Variants in PRH1 observed in about 807,000 individuals in gnomAD.
PRH1 encodes the protein salivary acidic proline-rich phosphoprotein 1/2.
In PRH1, 7 loss-of-function variants were observed where a neutral mutation model predicts 7.9. The observed-to-expected ratio is 0.89, with a 90% CI of 0.50 to 1.67. The LOEUF (loss-of-function observed/expected upper bound fraction) is 1.67, where lower values mean the gene tolerates loss of function less well. Ranked by LOEUF, PRH1 falls within the 40% of genes most tolerant of loss-of-function variation. PRH1 has a pLI of 0.00. For synonymous variants in PRH1, 45 were observed against 80.8 expected (o/e 0.56, Z 2.38); for missense variants, 109 against 223.6 (o/e 0.49, Z 3.27).
At chr12:11,076,138 T>C (rs1161082171) in intron 1 of PRH1, among the ~76,000 whole-genome samples, 2 of 118,506 alleles carry the variant, frequency 1.7e-5, no homozygotes, top group African/African-American at 2.8e-5. Flanking sequence ...ATAACAATGT[T>C]AAAATCTCAT....
At chr12:11,010,397 G>A (rs1161999118) in intron 1 of PRH1, among the ~76,000 whole-genome samples, 2 of 151,858 alleles carry the variant, frequency 1.3e-5, no homozygotes, top group Non-Finnish European at 2.9e-5. Context: ...AGGGCAATGG[G>A]AGAACACTAT....
In PRH1 at chr12:10,986,973, T is replaced by A. The variant is rs193159848; in HGVS notation, c.-125-13252A>T. On this transcript the variant is annotated intron_variant, in intron 1 of 3. Transcript: ENST00000539853. ...TCTGATTTCTGAATGTGCAGTAACA[T>A]TCTTTTTACTTTTAAACACTGTGAC... The A allele has an allele frequency of 8.9e-4, 668 of 747,230 alleles. 1 individual carries two copies. Among genetic ancestry groups the A allele is most frequent in the Admixed American group, 1.3e-3 (36 of 28,602 alleles). 46.3% of individuals were successfully genotyped at this position (747,230 alleles called of 1,614,324 possible). A position where few individuals can be genotyped will look rare whatever the true frequency, so the allele number is the denominator to read the frequency against.
At chr12:11,155,582 T>A (rs1203790761) in intron 1 of PRH1, among the ~76,000 whole-genome samples, 1 of 152,228 alleles carries the variant, frequency 6.6e-6, no homozygotes, top group Non-Finnish European at 1.5e-5. Flanking sequence ...ATTTTTGAAC[T>A]CTTTATAAAT....
intron 1 of PRH1, among the ~76,000 whole-genome samples, chr12:11,098,967 ATATT>A (rs1393743065): frequency 6.6e-6 from 1 of 152,194 alleles, no homozygotes; most frequent in African/African-American, 2.4e-5. Context: ...CCCAAGAATA[ATATT>A]TATTTATCAA....
chr12:11,103,239 C>T (rs112428610), intron 1 of PRH1, among the ~76,000 whole-genome samples: 1 of 151,588 alleles, frequency 6.6e-6, no homozygotes, highest in African/African-American at 2.4e-5. Context: ...GACACATGCA[C>T]ATATGTTTAT....
intron 1 of PRH1, among the ~76,000 whole-genome samples, chr12:11,046,828 T>C (rs1942916874): frequency 6.6e-6 from 1 of 152,218 alleles, no homozygotes; most frequent in Non-Finnish European, 1.5e-5. Flanking sequence ...GTAGAATACA[T>C]TGACAGTCAT....
chr12:11,137,811 A>G (rs569995508), intron 1 of PRH1, among the ~76,000 whole-genome samples: 1 of 152,320 alleles, frequency 6.6e-6, no homozygotes, highest in East Asian at 1.9e-4. Flanking sequence ...TATTTCAAAA[A>G]TAAATCATTT....
chr12:10,883,726 C>G lies in PRH1; in HGVS notation c.64+428G>C, dbSNP rs1268210596. ...TATGTAGACAGAGACAAGTGTTTAC[C>G]CAATTCTCTGCCTCGGCAGTAGCTC... On this transcript the variant is annotated intron_variant, in intron 1 of 3. Transcript: ENST00000543626. Among the ~76,000 whole-genome samples, 6 of 152,236 alleles carry G rather than the reference C, an allele frequency of 3.9e-5. No individual in the cohort carries two copies. The East Asian group carries it at 1.2e-3, about 29-fold the overall frequency.
At chr12:10,978,422 G>T (rs952522716) in intron 1 of PRH1, among the ~76,000 whole-genome samples, 3 of 152,102 alleles carry the variant, frequency 2.0e-5, no homozygotes, top group South Asian at 2.1e-4. Context: ...AAGCAAGCTG[G>T]ATTAAATACT....
intron 1 of PRH1, among the ~76,000 whole-genome samples, chr12:11,144,736 T>A (rs1292822019): frequency 1.3e-5 from 2 of 152,236 alleles, no homozygotes; most frequent in African/African-American, 2.4e-5. Context: ...AGGAATCGGC[T>A]GTTTGGGGAC....
intron 1 of PRH1, among the ~76,000 whole-genome samples, chr12:10,989,151 C>T (rs1408042681): frequency 6.6e-6 from 1 of 152,184 alleles, no homozygotes; most frequent in African/African-American, 2.4e-5. Context: ...CAACCCTAAA[C>T]TCTATGATAC....
chr12:10,914,743 A>C (rs547565230), intron 2 of PRH1, among the ~76,000 whole-genome samples: 1 of 152,318 alleles, frequency 6.6e-6, no homozygotes, highest in Non-Finnish European at 1.5e-5. Context: ...AATATATCAG[A>C]AAGAAGAGTC....
chr12:10,929,052 C>T (rs988349854), intron 2 of PRH1, among the ~76,000 whole-genome samples: 5 of 152,174 alleles, frequency 3.3e-5, no homozygotes, highest in African/African-American at 1.2e-4. Context: ...AGAAATTAGC[C>T]ACAAACAACA....
At chr12:10,927,399 C>T (rs10743936) in intron 2 of PRH1, among the ~76,000 whole-genome samples, 116,335 of 152,136 alleles carry the variant, frequency 0.76, 46,135 homozygotes, top group East Asian at 0.94. Flanking sequence ...CAGTAACCCA[C>T]TGGGAGCTGC....
In PRH1 at chr12:11,023,907, T is replaced by A. The variant is rs118025805; in HGVS notation, c.-126+23113A>T. On this transcript the variant is annotated intron_variant, in intron 1 of 3. Transcript: ENST00000539853. ...TTCTCTTGCAGAAAAACATAAGTGA[T>A]GTAGGTATTCTGCTAAATCAGGAGT... is the stretch of plus-strand genomic sequence containing the variant. Among the ~76,000 whole-genome samples the A allele has an allele frequency of 3.7e-4, 57 of 152,276 alleles. 4 individuals carry two copies. In the East Asian group the frequency reaches 0.011, roughly 29 times the overall value.
At chr12:11,061,142 T>C (rs1319835541) in intron 1 of PRH1, among the ~76,000 whole-genome samples, 1 of 152,116 alleles carries the variant, frequency 6.6e-6, no homozygotes, top group Non-Finnish European at 1.5e-5. Flanking sequence ...AAAGAGTATG[T>C]CACTGTCAAT....
chr12:10,944,008 C>T (rs1446028370), intron 2 of PRH1, among the ~76,000 whole-genome samples: 1 of 152,088 alleles, frequency 6.6e-6, no homozygotes, highest in Non-Finnish European at 1.5e-5. Flanking sequence ...TAATGTGATT[C>T]CTCTAGCTTT....
intron 1 of PRH1, among the ~76,000 whole-genome samples, chr12:11,160,553 C>T (rs1332116518): frequency 6.6e-6 from 1 of 152,140 alleles, no homozygotes; most frequent in Non-Finnish European, 1.5e-5. Context: ...TCACTGCAAC[C>T]TCCGCCTCCC....
chr12:11,087,610 T>C (rs79799132), intron 1 of PRH1, among the ~76,000 whole-genome samples: 101 of 102,584 alleles, frequency 9.8e-4, no homozygotes, highest in Middle Eastern at 4.5e-3. Context: ...AATTCTCCTC[T>C]ACTGGCAACA....
Sources: allele counts gnomAD v4.1 joint callset (sites outside exome capture counted in the v4.1 genomes callset), GRCh38; gene constraint gnomAD v4.1.1; transcripts MANE v1.5; gene names NCBI Gene and HGNC (gene_info 2026-07-23, HGNC 2026-07-21).